CTBP1: variants seen among roughly 807,000 people sequenced by gnomAD.
The protein encoded by CTBP1 is C-terminal-binding protein 1.
A neutral mutation model predicts 42.1 loss-of-function variants in CTBP1; 11 were observed. The ratio of observed to expected loss-of-function variants is 0.26; its 90% CI spans 0.16 to 0.43. The LOEUF (loss-of-function observed/expected upper bound fraction) is 0.43. Ranked by LOEUF, CTBP1 falls within the 20% of genes least tolerant of loss-of-function variation. The pLI is 1.00. For synonymous variants in CTBP1, 324 were observed against 277.1 expected, an observed-to-expected ratio of 1.17 and a Z score of -1.68; for missense variants, 399 against 624.3, an observed-to-expected ratio of 0.64 and a Z score of 3.85.
At chr4:1,227,176 G>A (rs1420603034) in intron 4 of CTBP1, among the ~76,000 whole-genome samples, 4 of 152,098 alleles carry the variant, frequency 2.6e-5, no homozygotes, top group South Asian at 2.1e-4. Context: ...GTAGGTGCAC[G>A]GGTGCAGACG....
Position 1,214,357 on chromosome 4 carries a change from C to T in CTBP1, c.846G>A (p.Glu282=). Residue 282 remains glutamate (E), a synonymous_variant, in exon 7 of 10, where the codon GAG becomes GAA. Transcript: ENST00000382952. ...RIRGAALDVH[E]SEPFSFSQGP... ...CGTGGGGGCACCTGAAGGGTTCCGACTCGTGCACATCCAGGGCCGCGCCGC... is the reference window on the plus strand; with the variant it reads ...CGTGGGGGCACCTGAAGGGTTCCGATTCGTGCACATCCAGGGCCGCGCCGC... 1 of 1,567,212 alleles carries T rather than the reference C, an allele frequency of 6.4e-7. No homozygotes were observed. The highest frequency in any genetic ancestry group is 2.4e-5 in the East Asian group (1 of 41,644).
intron 9 of CTBP1, 106 bp downstream of exon 9, chr4:1,212,807 A>T: frequency 2.1e-6 from 2 of 939,994 alleles, no homozygotes; most frequent in Non-Finnish European, 1.7e-6. Flanking sequence ...CAGATCCTCC[A>T]GGTCAGTCAG....
chr4:1,231,009 T>C (rs1730908619), intron 3 of CTBP1: 1 of 152,300 alleles, frequency 6.6e-6, no homozygotes, highest in Non-Finnish European at 1.5e-5. Context: ...TTTTCCCTAC[T>C]GAATACAGGT....
chr4:1,223,384 G>A (rs1171509966), intron 5 of CTBP1: 1 of 453,380 alleles, frequency 2.2e-6, no homozygotes, highest in African/African-American at 2.0e-5. Context: ...ACAGGCACGT[G>A]TTCCATGCAC....
In CTBP1 at chr4:1,238,527, G is replaced by A. The variant is rs1278890043; in HGVS notation, c.8-190C>T. Among the ~76,000 whole-genome samples, 2 of 152,006 alleles carry A rather than the reference G, an allele frequency of 1.3e-5. No homozygotes were observed. Among genetic ancestry groups the A allele is most frequent in the South Asian group, 4.2e-4 (2 of 4,786 alleles). The stretch of plus-strand genomic sequence containing the variant: ...AGACAACTCGTGTGTGCCTCAGCTC[G>A]CTGACTCAAGTGGACACAGACTGTG... On this transcript the variant is annotated intron_variant, in intron 2 of 9. Coordinates refer to ENST00000382952, the MANE Select transcript of CTBP1 (RefSeq NM_001012614.2). This position sits in a 1 kb window ranked among gnomAD's most constrained non-coding sequence, Gnocchi z 5.9.
intron 1 of CTBP1, among the ~76,000 whole-genome samples, chr4:1,246,973 A>G (rs1190900662): frequency 6.6e-6 from 1 of 152,222 alleles, no homozygotes; most frequent in African/African-American, 2.4e-5. Flanking sequence ...CCACCAGGAC[A>G]TGGCAGGGGG....
chr4:1,214,301 G>C (rs758360205), intron 7 of CTBP1, 42 bp downstream of exon 7: 1 of 1,515,694 alleles, frequency 6.6e-7, no homozygotes, highest in African/African-American at 1.5e-5. Context: ...GCAGGATGGT[G>C]GACAGGGAAG....
chr4:1,246,442 G>A (rs568212058), intron 1 of CTBP1, among the ~76,000 whole-genome samples: 2 of 152,324 alleles, frequency 1.3e-5, no homozygotes, highest in African/African-American at 2.4e-5. Flanking sequence ...CAGTGGAGTG[G>A]GAAACATTAA....
In CTBP1 at chr4:1,224,369, T is replaced by C. The variant is rs557008966; in HGVS notation, c.514+991A>G. 4.6e-5 allele frequency among the ~76,000 whole-genome samples: 7 copies of C among 152,054 alleles called. No individual in the cohort carries two copies. In the East Asian group the frequency reaches 9.7e-4, roughly 21 times the overall value. On this transcript the variant is annotated intron_variant, in intron 5 of 9. Transcript: ENST00000382952. ...TGGGGTCCACGTGTGTGCTGTGATG[T>C]CCGTGTGATGTCTATGCAGGCCTGT... is the stretch of plus-strand genomic sequence containing the variant.
intron 5 of CTBP1, among the ~76,000 whole-genome samples, chr4:1,220,747 G>A (rs1303185827): frequency 6.6e-6 from 1 of 152,272 alleles, no homozygotes; most frequent in Non-Finnish European, 1.5e-5. Context: ...CGGAAGGAGG[G>A]CTCCTCGGCG....
At chr4:1,246,129 G>A (rs1732694758) in intron 1 of CTBP1, among the ~76,000 whole-genome samples, 2 of 152,224 alleles carry the variant, frequency 1.3e-5, no homozygotes, top group Non-Finnish European at 2.9e-5. Context: ...GGCACCTTGT[G>A]GGTTACCACG....
chr4:1,248,672 G>A, intron 1 of CTBP1: 4 of 983,262 alleles, frequency 4.1e-6, no homozygotes, highest in African/African-American at 1.8e-5. Context: ...TGCACGGGCC[G>A]CGGGCGGGGA....
At chr4:1,214,933 G>A (rs1278960193) in intron 6 of CTBP1, among the ~76,000 whole-genome samples, 2 of 152,272 alleles carry the variant, frequency 1.3e-5, no homozygotes, top group Non-Finnish European at 2.9e-5. Context: ...CAGAGCCTCC[G>A]TCTTCGGAAC....
intron 3 of CTBP1, among the ~76,000 whole-genome samples, chr4:1,230,325 G>A (rs954924589): frequency 1.3e-5 from 2 of 152,200 alleles, no homozygotes; most frequent in Non-Finnish European, 2.9e-5. Context: ...CCTGCGCTGC[G>A]TGGACTGGAG....
chr4:1,242,483 C>A (rs1042585696), intron 1 of CTBP1: 7 of 985,114 alleles, frequency 7.1e-6, no homozygotes, highest in Non-Finnish European at 8.4e-6. Context: ...TGTGAGGCCG[C>A]CCCTGCGCAG....
At chr4:1,246,032 G>A (rs1732684027) in intron 1 of CTBP1, among the ~76,000 whole-genome samples, 1 of 152,132 alleles carries the variant, frequency 6.6e-6, no homozygotes, top group African/African-American at 2.4e-5. Context: ...GCTTCACAGG[G>A]AAAAAAACGA....
chr4:1,228,383 A>G lies in CTBP1; in HGVS notation c.163-40T>C, dbSNP rs780864952. On this transcript the variant is annotated intron_variant, in intron 3 of 9. Coordinates refer to ENST00000382952, the MANE Select transcript of CTBP1 (RefSeq NM_001012614.2). ...CACACAGGCTCAGCCCGGAACCTGA[A>G]GACCCTCGGGCTTGGCCTTCGGGGG... 1.9e-6 allele frequency: 3 copies of G among 1,600,404 alleles called. No individual in the cohort carries two copies. The South Asian group carries it at 3.3e-5, about 18-fold the overall frequency.
chr4:1,212,503 C>T, intron 9 of CTBP1, 80 bp from the exon 10 acceptor site: 1 of 1,247,636 alleles, frequency 8.0e-7, no homozygotes, highest in South Asian at 1.7e-5. Flanking sequence ...GCATCGGCAG[C>T]ACCGAGGGGG....
At chr4:1,248,787 GCGCACT>G (rs1215411889) in intron 1 of CTBP1, 123 bp downstream of exon 1, 2 of 950,378 alleles carry the variant, frequency 2.1e-6, no homozygotes, top group African/African-American at 3.6e-5. Flanking sequence ...CGGCGCGCAC[GCGCACT>G]CGCACACAAA....
Sources: gnomAD v4.1 joint callset for allele counts (sites outside exome capture counted in the v4.1 genomes callset) on GRCh38, gnomAD v4.1.1 for gene constraint, Gnocchi (gnomAD v3.1) non-coding constraint, MANE v1.5 for transcripts, NCBI Gene and HGNC (gene_info 2026-07-23, HGNC 2026-07-21) for gene names.